Variants in CARD9 observed in about 807,000 individuals in gnomAD.
The protein encoded by CARD9 is caspase recruitment domain-containing protein 9.
In CARD9, 53 loss-of-function variants were observed where a neutral mutation model predicts 66.0. The observed-to-expected ratio is 0.80, with a 90% CI of 0.64 to 1.01. The LOEUF is 1.01. Ranked by LOEUF, CARD9 falls within the 50% of genes least tolerant of loss-of-function variation. The pLI is 0.00. For missense variants in CARD9, 769 were observed against 743.2 expected, an observed-to-expected ratio of 1.03 and a Z score of -0.40; for synonymous variants, 387 against 313.8, an observed-to-expected ratio of 1.23 and a Z score of -2.47.
rs907092701 is a variant in CARD9 at position 136,364,268 on chromosome 9, G to A, written c.*34C>T. The A allele has an allele frequency of 6.4e-6, 10 of 1,551,048 alleles. No individual in the cohort carries two copies. In the Admixed American group the frequency reaches 9.8e-5, roughly 15 times the overall value. Reference sequence around the variant, plus strand: ...CCGGGTGGCAGGAGGCCGGGCCGGTGGGTGTGCCCTGGTCGGGGCCTGCGC... The same window carrying A: ...CCGGGTGGCAGGAGGCCGGGCCGGTAGGTGTGCCCTGGTCGGGGCCTGCGC... On this transcript the variant is annotated 3_prime_UTR_variant, in exon 13 of 13. Coordinates refer to ENST00000371732, the MANE Select transcript of CARD9 (RefSeq NM_052813.5).
rs1185498565 is a variant in CARD9, at chr9:136,364,330, C to A, written c.1583G>T (p.Ser528Ile). Residue 528 changes from serine (S) to isoleucine (I), a missense_variant, in exon 13 of 13, where the codon AGC (serine) becomes ATC (isoleucine). By Grantham distance (142) the Ser-to-Ile change is moderately radical. Transcript: ENST00000371732. ...GGAGCCCTCAGTGTCGGTGTTGTCG[C>A]TGCCCGTGGTGTTCTCCCGGTCCTC... ...GEEDRENTTG[S>I]DNTDTEGS 1 of 1,565,520 alleles carries A rather than the reference C, an allele frequency of 6.4e-7. No individual in the cohort carries two copies. Among genetic ancestry groups the A allele is most frequent in the Non-Finnish European group, 8.7e-7 (1 of 1,155,964 alleles).
intron 1 of CARD9, among the ~76,000 whole-genome samples, 167 bp from the exon 2 acceptor site, chr9:136,372,261 C>T (rs12684674): frequency 6.6e-6 from 1 of 152,166 alleles, no homozygotes; most frequent in East Asian, 1.9e-4. Flanking sequence ...CATCCCCACG[C>T]TGGATCCCCC....
In CARD9 at chr9:136,364,125, T is replaced by C; in HGVS notation, c.*177A>G. Reference sequence around the variant, plus strand: ...ATGGCCTCCGCAAAATGAGTGCCGCTTAACAAACGGCCCCAATGCCCGGCA... The same window carrying C: ...ATGGCCTCCGCAAAATGAGTGCCGCCTAACAAACGGCCCCAATGCCCGGCA... On this transcript the variant is annotated 3_prime_UTR_variant, in exon 13 of 13. Transcript: ENST00000371732. The C allele has an allele frequency of 6.4e-7, 1 of 1,550,574 alleles. No homozygotes were observed. Among genetic ancestry groups the C allele is most frequent in the African/African-American group, 1.4e-5 (1 of 73,186 alleles).
intron 10 of CARD9, 51 bp from the exon 11 acceptor site, chr9:136,365,268 A>G (rs368858849): frequency 2.2e-5 from 34 of 1,564,126 alleles, no homozygotes; most frequent in Non-Finnish European, 2.9e-5. Context: ...TGGGCCACGT[A>G]TAGCACGGCT....
rs1588726299 is a variant in CARD9 at position 136,371,796 on chromosome 9, T to C, written c.184+99A>G. The C allele has an allele frequency of 2.0e-6, 3 of 1,509,988 alleles. No homozygotes were observed. In the South Asian group the frequency reaches 3.9e-5, roughly 20 times the overall value. The allele number at this position is 1,509,988 out of a possible 1,614,324, so 93.5% of individuals were successfully genotyped here. A position where few individuals can be genotyped will look rare whatever the true frequency, so the allele number is the denominator to read the frequency against. On this transcript the variant is annotated intron_variant, in intron 2 of 12. Coordinates refer to ENST00000371732, the MANE Select transcript of CARD9 (RefSeq NM_052813.5). ...GGCCAGGGGCAAAGCCAGGCGGGGC[T>C]CTCCTGGGGTTGAGGGTCAGGGTGG...
chr9:136,370,077 C>T, intron 6 of CARD9: 1 of 1,389,492 alleles, frequency 7.2e-7, no homozygotes, highest in African/African-American at 1.4e-5. Flanking sequence ...TCAGACACTG[C>T]TGTGCCTCAG....
At chr9:136,372,637 C>T (rs1032242571) in intron 1 of CARD9, among the ~76,000 whole-genome samples, 1 of 152,216 alleles carries the variant, frequency 6.6e-6, no homozygotes, top group East Asian at 1.9e-4. Context: ...TGTGGGACTT[C>T]CTCATTCCCC....
intron 10 of CARD9, chr9:136,365,489 A>T: frequency 3.7e-6 from 2 of 545,402 alleles, no homozygotes; most frequent in South Asian, 2.1e-5. Context: ...GCTGCCTGCC[A>T]GGGAGGAACG....
At chr9:136,371,549 G>A (rs1178452416) in intron 2 of CARD9, 88 bp from the exon 3 acceptor site, 1 of 1,510,912 alleles carries the variant, frequency 6.6e-7, no homozygotes, top group Non-Finnish European at 8.9e-7. Context: ...GACAGGTGGA[G>A]GCTGGCATGC....
Position 136,365,150 on chromosome 9 carries a change from C to A in CARD9, c.1425G>T (p.Arg475=). 1 of 1,612,216 alleles carries A rather than the reference C, an allele frequency of 6.2e-7. No individual in the cohort carries two copies. Among genetic ancestry groups the A allele is most frequent in the East Asian group, 2.2e-5 (1 of 44,880 alleles). Residue 475 remains arginine, a synonymous_variant, in exon 11 of 13, where the codon CGG becomes CGT. Transcript: ENST00000371732. ...FAALHQEQVL[R]NPHDAGLSSG... is the part of the protein sequence containing the mutation. ...CCCGGGGAAGCCTTACATGGGGGTT[C>A]CGCAAAACCTGCTCCTGGTGCAGAG...
intron 10 of CARD9, chr9:136,366,519 G>C: frequency 3.7e-6 from 2 of 534,226 alleles, no homozygotes; most frequent in Non-Finnish European, 6.8e-6. Flanking sequence ...CGGTGGGCCT[G>C]CTCACCTCTG....
intron 5 of CARD9, 39 bp downstream of exon 5, chr9:136,370,483 G>A: frequency 6.2e-7 from 1 of 1,604,072 alleles, no homozygotes; most frequent in Non-Finnish European, 8.5e-7. Flanking sequence ...GGCCCCCACT[G>A]CCCTGCCTGG....
At chr9:136,365,284 A>C (rs1588719974) in intron 10 of CARD9, 67 bp from the exon 11 acceptor site, 2 of 1,486,304 alleles carry the variant, frequency 1.3e-6, no homozygotes. Context: ...CGGCTGCCCC[A>C]CCCCTCCCCG....
At chr9:136,369,999 A>G (rs1221893685) in intron 6 of CARD9, 124 bp from the exon 7 acceptor site, 15 of 1,518,904 alleles carry the variant, frequency 9.9e-6, no homozygotes, top group Middle Eastern at 2.2e-4. Flanking sequence ...GGGAGGCCAT[A>G]GGAGTCCCCA....
chr9:136,367,121 A>G, intron 9 of CARD9, 95 bp downstream of exon 9: 2 of 1,397,338 alleles, frequency 1.4e-6, no homozygotes, highest in South Asian at 1.2e-5. Flanking sequence ...GAGCAGGGCC[A>G]TGTGACGGGC....
chr9:136,365,248 G>A (rs760703177), intron 10 of CARD9, 31 bp from the exon 11 acceptor site: 78 of 1,600,844 alleles, frequency 4.9e-5, no homozygotes, highest in Non-Finnish European at 6.4e-5. Flanking sequence ...TGTGGGACCT[G>A]CCCATCTGCT....
At chr9:136,366,902 C>T in intron 9 of CARD9, 57 bp from the exon 10 acceptor site, 1 of 1,582,490 alleles carries the variant, frequency 6.3e-7, no homozygotes, top group Non-Finnish European at 8.7e-7. Flanking sequence ...CTGGACCCGG[C>T]CACACTGCCC....
intron 10 of CARD9, chr9:136,366,239 G>A (rs1833121171): frequency 6.1e-6 from 1 of 163,472 alleles, no homozygotes; most frequent in Non-Finnish European, 1.3e-5. Flanking sequence ...CAGACAGGCA[G>A]AGGGGGCCTG....
chr9:136,370,276 C>T lies in CARD9; in HGVS notation c.951+18G>A, dbSNP rs1165590516. 1.3e-6 allele frequency: 2 copies of T among 1,591,054 alleles called. No individual in the cohort carries two copies. The highest frequency in any genetic ancestry group is 1.7e-6 in the Non-Finnish European group (2 of 1,177,044). ...GGCTTGGACCCCAGGGGCCATGTCT[C>T]CCCGCCTGCCCTCCTACCCGGAGGC... is the stretch of plus-strand genomic sequence containing the variant. On this transcript the variant is annotated intron_variant, in intron 6 of 12. Transcript: ENST00000371732.
Sources: allele counts gnomAD v4.1 joint callset (sites outside exome capture counted in the v4.1 genomes callset), GRCh38; gene constraint gnomAD v4.1.1; transcripts MANE v1.5; gene names NCBI Gene and HGNC (gene_info 2026-07-23, HGNC 2026-07-21).